Variants in ZMAT4 observed in about 807,000 individuals in gnomAD.
ZMAT4 encodes the protein zinc finger matrin-type 4, also known as zinc finger matrin-type protein 4.
In ZMAT4, 17 loss-of-function variants were observed where a neutral mutation model predicts 28.7. The ratio of observed to expected loss-of-function variants is 0.59; its 90% CI spans 0.41 to 0.89. ZMAT4 has a LOEUF of 0.89. Among genes scored for constraint, ZMAT4 ranks in the 40% least tolerant of loss-of-function variants. The pLI is 0.00. For synonymous variants in ZMAT4, 117 were observed against 109.2 expected, an observed-to-expected ratio of 1.07 and a Z score of -0.44; for missense variants, 240 against 283.8, an observed-to-expected ratio of 0.85 and a Z score of 1.11.
intron 3 of ZMAT4, among the ~76,000 whole-genome samples, chr8:40,710,455 A>G (rs1433349471): frequency 6.6e-6 from 1 of 152,190 alleles, no homozygotes; most frequent in Non-Finnish European, 1.5e-5. Context: ...TGGAAGTGTT[A>G]GTATAAACCC....
chr8:40,847,057 A>C (rs952602694), intron 1 of ZMAT4, among the ~76,000 whole-genome samples: 1 of 151,986 alleles, frequency 6.6e-6, no homozygotes, highest in Non-Finnish European at 1.5e-5. Flanking sequence ...AAATAGAAAA[A>C]CTAGCAGTAT....
At chr8:40,868,532 C>A (rs1160840978) in intron 1 of ZMAT4, among the ~76,000 whole-genome samples, 2 of 152,174 alleles carry the variant, frequency 1.3e-5, no homozygotes, top group Non-Finnish European at 2.9e-5. Context: ...GTCCACCCAC[C>A]ACAGACTGCA....
In ZMAT4 at chr8:40,600,140, CAT is replaced by C. The variant is rs1036642936; in HGVS notation, c.578-18881_578-18880del. 7.3e-4 allele frequency among the ~76,000 whole-genome samples: 111 copies of C among 152,346 alleles called. 1 individual carries two copies. Among genetic ancestry groups the C allele is most frequent in the Admixed American group, 6.9e-3 (105 of 15,306 alleles). On this transcript the variant is annotated intron_variant, in intron 5 of 6. Transcript: ENST00000297737. ...CTCACTAAATGGCTGTTTAATTAAA[CAT>C]GTGTGTGTATACATGTATTGGGGCT...
intron 5 of ZMAT4, among the ~76,000 whole-genome samples, chr8:40,609,120 T>G (rs1805704072): frequency 6.6e-6 from 1 of 152,192 alleles, no homozygotes; most frequent in South Asian, 2.1e-4. Flanking sequence ...AACTTTTAAT[T>G]TTCAATACAT....
chr8:40,759,988 C>T (rs1563464644), intron 3 of ZMAT4, among the ~76,000 whole-genome samples: 2 of 152,134 alleles, frequency 1.3e-5, no homozygotes, highest in South Asian at 2.1e-4. Context: ...ACAAAATGCC[C>T]ACTAACGCAG....
chr8:40,805,244 A>T (rs1163982470), intron 2 of ZMAT4, among the ~76,000 whole-genome samples: 4 of 150,610 alleles, frequency 2.7e-5, no homozygotes, highest in Admixed American at 1.3e-4. Context: ...ATGAGATACC[A>T]TCTCACACCA....
At chr8:40,624,305 T>G (rs1256554146) in intron 5 of ZMAT4, among the ~76,000 whole-genome samples, 1 of 152,188 alleles carries the variant, frequency 6.6e-6, no homozygotes, top group Non-Finnish European at 1.5e-5. Context: ...AAAGATCATG[T>G]GAGGGTCAGC....
At chr8:40,613,180 CTTTTTT>C (rs34687121) in intron 5 of ZMAT4, among the ~76,000 whole-genome samples, 46 of 79,978 alleles carry the variant, frequency 5.8e-4, no homozygotes, top group Middle Eastern at 0.013. Context: ...TACTTTCTTT[CTTTTTT>C]TTTTTTTTTT....
At chr8:40,567,288 A>C (rs1803953280) in intron 6 of ZMAT4, among the ~76,000 whole-genome samples, 1 of 152,212 alleles carries the variant, frequency 6.6e-6, no homozygotes. Context: ...AGAAAAATAC[A>C]TGGTTCCTAT....
intron 4 of ZMAT4, among the ~76,000 whole-genome samples, chr8:40,693,940 C>CA (rs1391707179): frequency 6.6e-6 from 1 of 152,134 alleles, no homozygotes; most frequent in Non-Finnish European, 1.5e-5. Context: ...AGTTGTGGTT[C>CA]AATTATTCCA....
chr8:40,547,461 C>T (rs1431540062), intron 6 of ZMAT4, among the ~76,000 whole-genome samples: 2 of 152,144 alleles, frequency 1.3e-5, no homozygotes, highest in Non-Finnish European at 2.9e-5. Context: ...GGGCGTGGAC[C>T]TTGGGGCCAG....
intron 6 of ZMAT4, among the ~76,000 whole-genome samples, chr8:40,569,614 C>T (rs938656769): frequency 1.3e-5 from 2 of 152,174 alleles, no homozygotes; most frequent in African/African-American, 2.4e-5. Context: ...AGAGTTTATG[C>T]TCTGTATTCA....
intron 5 of ZMAT4, among the ~76,000 whole-genome samples, chr8:40,627,723 T>C (rs538952088): frequency 3.9e-5 from 6 of 152,320 alleles, no homozygotes; most frequent in African/African-American, 1.4e-4. Flanking sequence ...TTAAATCCAT[T>C]GAGAGAAGTA....
chr8:40,879,903 A>C (rs190592303), intron 1 of ZMAT4, among the ~76,000 whole-genome samples: 2 of 151,832 alleles, frequency 1.3e-5, no homozygotes, highest in African/African-American at 4.8e-5. Flanking sequence ...CTAATACTCC[A>C]TTGTATGGAC....
At chr8:40,623,598 G>A (rs1806274134) in intron 5 of ZMAT4, among the ~76,000 whole-genome samples, 1 of 152,170 alleles carries the variant, frequency 6.6e-6, no homozygotes, top group Non-Finnish European at 1.5e-5. Context: ...GAACCTCCAA[G>A]TCTGTCTTGC....
intron 4 of ZMAT4, among the ~76,000 whole-genome samples, chr8:40,691,676 T>A (rs895685715): frequency 6.6e-6 from 1 of 152,200 alleles, no homozygotes; most frequent in Non-Finnish European, 1.5e-5. Flanking sequence ...TTACATACAA[T>A]AATATATCCA....
chr8:40,589,344 CTG>C (rs912590233), intron 5 of ZMAT4, among the ~76,000 whole-genome samples: 26 of 152,286 alleles, frequency 1.7e-4, no homozygotes, highest in African/African-American at 6.0e-4. Flanking sequence ...ACTCCTCCCA[CTG>C]TGAATATTGC....
intron 4 of ZMAT4, among the ~76,000 whole-genome samples, chr8:40,684,060 C>T (rs1450972221): frequency 6.7e-6 from 1 of 149,118 alleles, no homozygotes; most frequent in Non-Finnish European, 1.5e-5. Context: ...GAGGAGATCC[C>T]GTCTTAGAAA....
intron 1 of ZMAT4, among the ~76,000 whole-genome samples, chr8:40,886,037 C>T (rs1563266553): frequency 6.6e-6 from 1 of 152,214 alleles, no homozygotes; most frequent in Non-Finnish European, 1.5e-5. Flanking sequence ...CCTACCAATT[C>T]CCAACATTCT....
Sources: allele counts gnomAD v4.1 joint callset (sites outside exome capture counted in the v4.1 genomes callset), GRCh38; gene constraint gnomAD v4.1.1; transcripts MANE v1.5; gene names NCBI Gene and HGNC (gene_info 2026-07-23, HGNC 2026-07-21).